Variants in SLC39A12 observed in about 807,000 individuals in gnomAD.
SLC39A12 encodes zinc transporter ZIP12.
In SLC39A12, 63 loss-of-function variants were observed where a neutral mutation model predicts 71.1. That is an observed-to-expected ratio of 0.89 (90% CI 0.72 to 1.09). The LOEUF (loss-of-function observed/expected upper bound fraction) is 1.09. SLC39A12 is among the 50% of genes least tolerant of loss of function. The pLI is 0.00. For synonymous variants in SLC39A12, 351 were observed against 301.3 expected, an observed-to-expected ratio of 1.16 and a Z score of -1.71; for missense variants, 892 against 812.6, an observed-to-expected ratio of 1.10 and a Z score of -1.19.
intron 12 of SLC39A12, among the ~76,000 whole-genome samples, chr10:18,035,999 G>C (rs976606629): frequency 2.6e-5 from 4 of 152,184 alleles, no homozygotes; most frequent in Non-Finnish European, 4.4e-5. Context: ...GAGGCAGTCT[G>C]CCGGTTCTCA....
intron 6 of SLC39A12, among the ~76,000 whole-genome samples, chr10:17,982,938 C>A (rs1400500330): frequency 6.6e-6 from 1 of 151,978 alleles, no homozygotes; most frequent in Non-Finnish European, 1.5e-5. Context: ...CGTCTGTAAT[C>A]CCAGCACTTC....
chr10:18,030,747 C>T (rs1214231117), intron 12 of SLC39A12, among the ~76,000 whole-genome samples: 5 of 148,564 alleles, frequency 3.4e-5, no homozygotes, highest in Admixed American at 6.7e-5. Flanking sequence ...CCCACTAACT[C>T]GTCATCTAGC....
chr10:17,981,978 T>C (rs78957055), intron 6 of SLC39A12, among the ~76,000 whole-genome samples: 2,306 of 152,304 alleles, frequency 0.015, 62 homozygotes, highest in African/African-American at 0.051. Context: ...TTGTGATCTT[T>C]AGCAATTTCT....
At chr10:17,978,107 G>C in intron 5 of SLC39A12, 33 bp downstream of exon 5, 31 of 1,521,246 alleles carry the variant, frequency 2.0e-5, no homozygotes, top group Non-Finnish European at 2.7e-5. Flanking sequence ...TCAAGCATTT[G>C]CTACTGTCAA....
chr10:18,003,510 A>G, intron 12 of SLC39A12, 152 bp downstream of exon 12: 1 of 640,280 alleles, frequency 1.6e-6, no homozygotes, highest in Non-Finnish European at 2.4e-6. Flanking sequence ...TACTCCAAGA[A>G]AGTGCATTCT....
intron 4 of SLC39A12, among the ~76,000 whole-genome samples, chr10:17,969,601 G>A (rs1834919124): frequency 6.6e-6 from 1 of 152,176 alleles, no homozygotes; most frequent in Non-Finnish European, 1.5e-5. Context: ...TTTGAGACAT[G>A]TCTATTCAGA....
At chr10:18,012,871 A>G (rs2130863711) in intron 12 of SLC39A12, among the ~76,000 whole-genome samples, 1 of 151,710 alleles carries the variant, frequency 6.6e-6, no homozygotes, top group African/African-American at 2.4e-5. Flanking sequence ...GTCTCAAAAA[A>G]AAAAAAAAAA....
At chr10:17,997,361 G>A (rs990809293) in intron 10 of SLC39A12, among the ~76,000 whole-genome samples, 1 of 152,032 alleles carries the variant, frequency 6.6e-6, no homozygotes, top group African/African-American at 2.4e-5. Flanking sequence ...TTATTTATTC[G>A]ATTCAAAATA....
intron 6 of SLC39A12, among the ~76,000 whole-genome samples, chr10:17,985,933 C>A (rs535977154): frequency 6.6e-6 from 1 of 152,076 alleles, no homozygotes; most frequent in Non-Finnish European, 1.5e-5. Flanking sequence ...TTTTTATTAT[C>A]GACTGTTACA....
At chr10:17,970,687 TG>T in intron 4 of SLC39A12, among the ~76,000 whole-genome samples, 1 of 118,092 alleles carries the variant, frequency 8.5e-6, no homozygotes, top group Non-Finnish European at 1.9e-5. Flanking sequence ...TGTGTGTGTG[TG>T]TGTGTGTGTG....
At position 18,036,746 on chromosome 10, in the gene SLC39A12, TTATATATA is replaced by T. The variant is rs1195629854; in HGVS notation, c.1948-5917_1948-5910del. 2.4e-3 allele frequency among the ~76,000 whole-genome samples: 90 copies of T among 37,484 alleles called. 1 individual carries two copies. The highest frequency in any genetic ancestry group is 4.1e-3 in the Admixed American group (13 of 3,206). The allele number at this position is 37,484 out of a possible 152,430, so 24.6% of individuals were successfully genotyped here. ...CATCTTGCAGTTAGCATTTTAAAAA[TTATATATA>T]TATATATATATATATATATATATAT... On this transcript the variant is annotated intron_variant, in intron 12 of 12. Transcript: ENST00000377369.
At chr10:18,024,955 C>T (rs1428161968) in intron 12 of SLC39A12, among the ~76,000 whole-genome samples, 1 of 152,108 alleles carries the variant, frequency 6.6e-6, no homozygotes, top group Non-Finnish European at 1.5e-5. Context: ...CAACCCTTTA[C>T]TTACAATCTA....
At chr10:18,030,060 C>A (rs1158819083) in intron 12 of SLC39A12, among the ~76,000 whole-genome samples, 1 of 150,454 alleles carries the variant, frequency 6.6e-6, no homozygotes, top group African/African-American at 2.4e-5. Context: ...CATAATCATA[C>A]TAAAAAGAGC....
chr10:17,985,851 G>A (rs992440706), intron 6 of SLC39A12, among the ~76,000 whole-genome samples: 1 of 151,554 alleles, frequency 6.6e-6, no homozygotes, highest in Non-Finnish European at 1.5e-5. Context: ...TTTTTTAAAA[G>A]GAAGCCTAGA....
At chr10:17,994,515 A>G (rs1441484563) in intron 9 of SLC39A12, among the ~76,000 whole-genome samples, 1 of 152,176 alleles carries the variant, frequency 6.6e-6, no homozygotes, top group Non-Finnish European at 1.5e-5. Context: ...CTTTTTTTGA[A>G]AAACAAGACA....
Position 17,978,002 on chromosome 10 carries a change from T to C in SLC39A12, c.852T>C (p.His284=). 1 of 1,610,026 alleles carries C rather than the reference T, an allele frequency of 6.2e-7. No homozygotes were observed. Among genetic ancestry groups the C allele is most frequent in the Admixed American group, 1.7e-5 (1 of 59,204 alleles). Residue 284 remains histidine (H), a synonymous_variant, in exon 5 of 13, where the codon CAT becomes CAC. Coordinates refer to ENST00000377369, the MANE Select transcript of SLC39A12 (RefSeq NM_001145195.2). ...FQRKQNNIIT[H]DQDYSNFSSS... Reference sequence around the variant, plus strand: ...GGAAACAAAACAACATAATAACCCATGATCAGGACTATTCTAATTTCTCTT... The same window carrying C: ...GGAAACAAAACAACATAATAACCCACGATCAGGACTATTCTAATTTCTCTT...
At chr10:17,962,551 T>G (rs1354777077) in intron 3 of SLC39A12, among the ~76,000 whole-genome samples, 4 of 138,970 alleles carry the variant, frequency 2.9e-5, no homozygotes, top group South Asian at 2.2e-4. Context: ...AAGCCACGGG[T>G]TTTTTTTTTT....
At chr10:18,040,715 G>A (rs1259827515) in intron 12 of SLC39A12, among the ~76,000 whole-genome samples, 1 of 148,432 alleles carries the variant, frequency 6.7e-6, no homozygotes, top group African/African-American at 2.5e-5. Flanking sequence ...GTTGCAGTGA[G>A]CCGAGATCAT....
At chr10:17,959,266 G>T (rs1554848074) in intron 2 of SLC39A12, among the ~76,000 whole-genome samples, 1 of 152,058 alleles carries the variant, frequency 6.6e-6, no homozygotes, top group Non-Finnish European at 1.5e-5. Context: ...GGATGCTGAG[G>T]TTTTACAGGT....
Sources: allele counts gnomAD v4.1 joint callset (sites outside exome capture counted in the v4.1 genomes callset), GRCh38; gene constraint gnomAD v4.1.1; transcripts MANE v1.5; gene names NCBI Gene and HGNC (gene_info 2026-07-23, HGNC 2026-07-21).